Variants in TBC1D22A observed in about 807,000 individuals in gnomAD.
TBC1D22A encodes putative GTPase activator.
TBC1D22A carries 38 observed loss-of-function variants against 60.2 expected under a neutral mutation model. The ratio of observed to expected loss-of-function variants is 0.63; its 90% CI spans 0.49 to 0.83. The LOEUF (loss-of-function observed/expected upper bound fraction) is 0.83, where lower values mean the gene tolerates loss of function less well. Ranked by LOEUF, TBC1D22A falls within the 40% of genes least tolerant of loss-of-function variation. The probability of loss-of-function intolerance (pLI) is 0.00; values close to 1 mark genes in which losing one functional copy is unlikely to be tolerated. For synonymous variants in TBC1D22A, 302 were observed against 281.7 expected (o/e 1.07, Z -0.72); for missense variants, 628 against 701.0 (o/e 0.90, Z 1.18).
At chr22:46,774,868 G>A (rs1490217548) in intron 1 of TBC1D22A, among the ~76,000 whole-genome samples, 5 of 152,222 alleles carry the variant, frequency 3.3e-5, no homozygotes, top group African/African-American at 7.2e-5. Flanking sequence ...TCTCATGTGC[G>A]CTGTGTGCAC....
At chr22:46,985,072 G>A (rs762338799) in intron 9 of TBC1D22A, among the ~76,000 whole-genome samples, 3 of 152,208 alleles carry the variant, frequency 2.0e-5, no homozygotes, top group Non-Finnish European at 4.4e-5. Flanking sequence ...CAGGCAGCTG[G>A]AACTTAGAAT....
chr22:46,896,853 A>G lies in TBC1D22A; in HGVS notation c.900+2007A>G, dbSNP rs116786771. Among the ~76,000 whole-genome samples, 758 of 151,924 alleles carry G rather than the reference A, an allele frequency of 5.0e-3. 8 individuals carry two copies. Among genetic ancestry groups the G allele is most frequent in the African/African-American group, 0.017 (716 of 41,386 alleles). Reference sequence around the variant, plus strand: ...CAGAGTCAGTTTGCCAAGGTCTTTCACTTGTTTTTTGTTTTTTGGGTCTGT... The same window carrying G: ...CAGAGTCAGTTTGCCAAGGTCTTTCGCTTGTTTTTTGTTTTTTGGGTCTGT... On this transcript the variant is annotated intron_variant, in intron 7 of 12. Transcript: ENST00000337137.
At chr22:46,769,284 T>C (rs188636187) in intron 1 of TBC1D22A, among the ~76,000 whole-genome samples, 1 of 152,286 alleles carries the variant, frequency 6.6e-6, no homozygotes, top group Admixed American at 6.5e-5. Flanking sequence ...GTCGGCTGAA[T>C]AGGCCACAGT....
intron 4 of TBC1D22A, among the ~76,000 whole-genome samples, chr22:46,836,994 T>TAAA (rs34771491): frequency 3.0e-5 from 4 of 134,926 alleles, no homozygotes; most frequent in Non-Finnish European, 1.6e-5. Flanking sequence ...TCTTGTCTCC[T>TAAA]AAAAAAAAAA....
intron 12 of TBC1D22A, among the ~76,000 whole-genome samples, chr22:47,143,096 G>A (rs5767529): frequency 0.28 from 42,905 of 151,568 alleles, 7,091 homozygotes; most frequent in East Asian, 0.72. Context: ...GGAAGAGAGT[G>A]CCCCACCTAA....
chr22:46,894,490 ATG>A (rs1216375846), intron 6 of TBC1D22A, among the ~76,000 whole-genome samples: 2 of 152,180 alleles, frequency 1.3e-5, no homozygotes, highest in African/African-American at 2.4e-5. Flanking sequence ...GCTATGGCTG[ATG>A]TTACTAAGCA....
Position 47,173,815 on chromosome 22 carries a change from T to A in TBC1D22A, c.*189T>A. 1 of 953,422 alleles carries A rather than the reference T, an allele frequency of 1.0e-6. No individual in the cohort carries two copies. The highest frequency in any genetic ancestry group is 1.5e-6 in the Non-Finnish European group (1 of 667,948). 59.1% of individuals were successfully genotyped at this position (953,422 alleles called of 1,614,324 possible). A position where few individuals can be genotyped will look rare whatever the true frequency, so the allele number is the denominator to read the frequency against. On this transcript the variant is annotated 3_prime_UTR_variant, in exon 13 of 13. Coordinates refer to ENST00000337137, the MANE Select transcript of TBC1D22A (RefSeq NM_014346.5). ...GGCTGACAAAGACAGGGACAGCCTTTGTTTTCTGAGATACCAAAGAGAGCC... is the reference window on the plus strand; with the variant it reads ...GGCTGACAAAGACAGGGACAGCCTTAGTTTTCTGAGATACCAAAGAGAGCC...
chr22:46,976,699 C>T (rs1235812346), intron 9 of TBC1D22A, among the ~76,000 whole-genome samples: 1 of 152,236 alleles, frequency 6.6e-6, no homozygotes, highest in African/African-American at 2.4e-5. Flanking sequence ...CTCTTCACCA[C>T]ATCATCGCCC....
At chr22:47,063,642 G>A (rs894310998) in intron 11 of TBC1D22A, among the ~76,000 whole-genome samples, 2 of 152,158 alleles carry the variant, frequency 1.3e-5, no homozygotes, top group African/African-American at 2.4e-5. Flanking sequence ...GCTGTCACTC[G>A]CGTGGAGTAT....
At chr22:46,889,205 G>A (rs961606103) in intron 5 of TBC1D22A, among the ~76,000 whole-genome samples, 6 of 152,104 alleles carry the variant, frequency 3.9e-5, no homozygotes, top group African/African-American at 1.2e-4. Context: ...GTGAGAAGAC[G>A]ACACACAACC....
chr22:47,125,273 AG>A (rs2066414719), intron 12 of TBC1D22A, among the ~76,000 whole-genome samples: 3 of 152,180 alleles, frequency 2.0e-5, no homozygotes, highest in Admixed American at 2.0e-4. Context: ...TGGGATTCCC[AG>A]TGTCTTCCAG....
chr22:46,934,675 G>A lies in TBC1D22A; in HGVS notation c.1015+22487G>A, dbSNP rs146644110. On this transcript the variant is annotated intron_variant, in intron 8 of 12. Coordinates refer to ENST00000337137, the MANE Select transcript of TBC1D22A (RefSeq NM_014346.5). ...GTGAGGCGCGTCCATGCTCTAGCCC[G>A]GGGACACGTCACCCACTTCCAGGAA... Among the ~76,000 whole-genome samples, 26 of 152,312 alleles carry A rather than the reference G, an allele frequency of 1.7e-4. No individual in the cohort carries two copies. The East Asian group carries it at 3.9e-3, about 23-fold the overall frequency.
chr22:46,943,978 C>T (rs1682560642), intron 8 of TBC1D22A, among the ~76,000 whole-genome samples: 1 of 152,194 alleles, frequency 6.6e-6, no homozygotes, highest in South Asian at 2.1e-4. Context: ...GTTGTTTGCA[C>T]TTCTGGCTAT....
intron 7 of TBC1D22A, among the ~76,000 whole-genome samples, chr22:46,904,845 G>A (rs138220593): frequency 0.014 from 2,026 of 150,018 alleles, 40 homozygotes; most frequent in African/African-American, 0.047. Context: ...CGCAATCTCA[G>A]CTCACTGCCA....
At chr22:47,006,164 A>C (rs1212789095) in intron 10 of TBC1D22A, among the ~76,000 whole-genome samples, 1 of 152,190 alleles carries the variant, frequency 6.6e-6, no homozygotes, top group Non-Finnish European at 1.5e-5. Context: ...TGCTGGTCGC[A>C]CATTTCCGTC....
At chr22:46,824,391 G>C (rs192803685) in intron 4 of TBC1D22A, among the ~76,000 whole-genome samples, 201 of 152,300 alleles carry the variant, frequency 1.3e-3, no homozygotes, top group South Asian at 7.0e-3. Context: ...TCTAAGGAGG[G>C]GTGTGTGGGG....
chr22:47,076,361 G>GTGTGTATATATA (rs1392245000), intron 11 of TBC1D22A, among the ~76,000 whole-genome samples: 1 of 101,924 alleles, frequency 9.8e-6, no homozygotes, highest in Non-Finnish European at 1.9e-5. Flanking sequence ...ATATGTGTGT[G>GTGTGTATATATA]TATATATATA....
At chr22:46,814,756 C>T (rs1237455024) in intron 4 of TBC1D22A, among the ~76,000 whole-genome samples, 5 of 152,088 alleles carry the variant, frequency 3.3e-5, no homozygotes, top group East Asian at 3.9e-4. Flanking sequence ...AAGCAATTCT[C>T]CTGCATCAGC....
At chr22:47,148,984 C>T (rs6007609) in intron 12 of TBC1D22A, among the ~76,000 whole-genome samples, 1,991 of 151,376 alleles carry the variant, frequency 0.013, 52 homozygotes, top group African/African-American at 0.046. Flanking sequence ...TAGGGGGCCA[C>T]GGCTTCCCAT....
Sources: allele counts gnomAD v4.1 joint callset (sites outside exome capture counted in the v4.1 genomes callset), GRCh38; gene constraint gnomAD v4.1.1; transcripts MANE v1.5; gene names NCBI Gene and HGNC (gene_info 2026-07-23, HGNC 2026-07-21).